SNX27: variants seen among roughly 807,000 people sequenced by gnomAD.
SNX27 encodes the protein sorting nexin-27.
Under a neutral mutation model 71.6 loss-of-function variants are expected in SNX27, and 22 were observed. That is an observed-to-expected ratio of 0.31 (90% CI 0.22 to 0.44). The LOEUF is 0.44. Among genes scored for constraint, SNX27 ranks in the 20% least tolerant of loss-of-function variants. SNX27 has a pLI of 1.00. For missense variants in SNX27, 531 were observed against 698.6 expected (o/e 0.76, Z 2.70); for synonymous variants, 269 against 277.2 (o/e 0.97, Z 0.29).
At chr1:151,635,034 C>T (rs187562671) in intron 1 of SNX27, among the ~76,000 whole-genome samples, 22 of 152,234 alleles carry the variant, frequency 1.4e-4, no homozygotes, top group Admixed American at 9.2e-4. Context: ...ACCCCATTGT[C>T]ATTGGTTGAG....
chr1:151,614,794 T>G (rs868361609), intron 1 of SNX27, among the ~76,000 whole-genome samples: 1 of 152,248 alleles, frequency 6.6e-6, no homozygotes, highest in South Asian at 2.1e-4. Context: ...AAATTTATGA[T>G]GAAGTTCTAC....
chr1:151,628,192 T>C (rs1014094409), intron 1 of SNX27, among the ~76,000 whole-genome samples: 1 of 151,854 alleles, frequency 6.6e-6, no homozygotes, highest in African/African-American at 2.4e-5. Flanking sequence ...TTTTTAGTAG[T>C]GATGGGGTTT....
intron 1 of SNX27, among the ~76,000 whole-genome samples, chr1:151,636,201 C>T (rs1260843078): frequency 5.3e-5 from 8 of 152,016 alleles, no homozygotes; most frequent in Admixed American, 3.3e-4. Flanking sequence ...ATCAGGGAAC[C>T]GAAAAGTAAG....
At chr1:151,676,421 T>G (rs1379282749) in intron 7 of SNX27, 1 of 150,976 alleles carries the variant, frequency 6.6e-6, no homozygotes, top group African/African-American at 2.4e-5. Context: ...GCCTCCCACC[T>G]CAGCCTCCTG....
In SNX27 at chr1:151,692,950, T is replaced by C; in HGVS notation, c.1429T>C (p.Trp477Arg). 6.2e-7 allele frequency: 1 copy of C among 1,614,206 alleles called. No individual in the cohort carries two copies. The highest frequency in any genetic ancestry group is 8.5e-7 in the Non-Finnish European group (1 of 1,180,022). ...ATTTGAATGGGATGAGATGCAGCGA[T>C]GGGACACAGATGAAGAAGGGATGGC... is the stretch of plus-strand genomic sequence containing the variant. ...IAFEWDEMQR[W>R]DTDEEGMAFC... Residue 477 changes from tryptophan (W) to arginine (R), a missense_variant, in exon 10 of 12, where the codon TGG becomes CGG. Coordinates refer to ENST00000458013, the MANE Select transcript of SNX27 (RefSeq NM_001330723.2).
chr1:151,613,599 GCC>G (rs1448824869), intron 1 of SNX27, among the ~76,000 whole-genome samples: 2 of 151,744 alleles, frequency 1.3e-5, no homozygotes, highest in Non-Finnish European at 1.5e-5. Flanking sequence ...TGCTGCTGCA[GCC>G]CACCCTCTCT....
intron 8 of SNX27, among the ~76,000 whole-genome samples, chr1:151,691,441 A>C (rs1222276606): frequency 6.7e-6 from 1 of 149,664 alleles, no homozygotes; most frequent in Non-Finnish European, 1.5e-5. Flanking sequence ...TCTGGTTTTC[A>C]TCTGTGTATC....
intron 3 of SNX27, among the ~76,000 whole-genome samples, chr1:151,658,671 G>A (rs1669812219): frequency 6.6e-6 from 1 of 152,124 alleles, no homozygotes; most frequent in African/African-American, 2.4e-5. Context: ...AGTTTTTGAT[G>A]CATTTGGTGA....
chr1:151,654,658 G>A (rs2102669568), intron 2 of SNX27, among the ~76,000 whole-genome samples: 1 of 152,250 alleles, frequency 6.6e-6, no homozygotes, highest in Non-Finnish European at 1.5e-5. Context: ...TTGGCTTACA[G>A]TTCTAGAGCC....
chr1:151,667,386 G>C (rs1781412), intron 6 of SNX27, among the ~76,000 whole-genome samples: 151,086 of 152,268 alleles, frequency 0.99, 74,964 homozygotes, highest in Middle Eastern at 1. Flanking sequence ...TCAGAAGACA[G>C]TTTTCAGTTT....
At chr1:151,689,850 CT>C (rs34443261) in intron 8 of SNX27, among the ~76,000 whole-genome samples, 47,218 of 147,954 alleles carry the variant, frequency 0.32, 7,558 homozygotes, top group Middle Eastern at 0.44. Flanking sequence ...TCTATATATA[CT>C]TTTTTTTTTT....
intron 8 of SNX27, among the ~76,000 whole-genome samples, chr1:151,684,179 GTAGTGCTCTTGGT>G (rs1175989965): frequency 1.3e-5 from 2 of 151,978 alleles, no homozygotes; most frequent in African/African-American, 2.4e-5. Context: ...TTTATGCTCC[GTAGTGCTCTTGGT>G]TAGTATATCA....
intron 5 of SNX27, among the ~76,000 whole-genome samples, chr1:151,663,435 C>G (rs1354189609): frequency 6.6e-6 from 1 of 152,148 alleles, no homozygotes; most frequent in Non-Finnish European, 1.5e-5. Flanking sequence ...CAGGCATGAG[C>G]CACCACCCCG....
chr1:151,623,755 T>A (rs1255002783), intron 1 of SNX27, among the ~76,000 whole-genome samples: 2 of 152,120 alleles, frequency 1.3e-5, no homozygotes, highest in African/African-American at 4.8e-5. Flanking sequence ...CCCATTGTCA[T>A]GTCTACTCTA....
chr1:151,619,494 T>G (rs1667574236), intron 1 of SNX27, among the ~76,000 whole-genome samples: 1 of 152,102 alleles, frequency 6.6e-6, no homozygotes, highest in African/African-American at 2.4e-5. Flanking sequence ...AGAGACAGGG[T>G]TTCACCATGT....
rs141418641 is a variant in SNX27, at chr1:151,613,649, C to T, written c.311+1137C>T. Among the ~76,000 whole-genome samples the T allele has an allele frequency of 2.0e-3, 297 of 152,226 alleles. 2 individuals are homozygous for T. The highest frequency in any genetic ancestry group is 6.7e-3 in the African/African-American group (278 of 41,528). ...TCCCTCCCCCTTCATACGCCTCCCC[C>T]ACCACATCCCTCCATGCTCTTGCGG... On this transcript the variant is annotated intron_variant, in intron 1 of 11. Coordinates refer to ENST00000458013, the MANE Select transcript of SNX27 (RefSeq NM_001330723.2).
chr1:151,664,677 A>G (rs1670112722), intron 5 of SNX27, among the ~76,000 whole-genome samples: 1 of 152,186 alleles, frequency 6.6e-6, no homozygotes, highest in Non-Finnish European at 1.5e-5. Context: ...TAAAAAACCT[A>G]TCCCCCATAC....
chr1:151,653,842 T>G lies in SNX27; in HGVS notation c.544-4393T>G, dbSNP rs945286971. 2.7e-5 allele frequency among the ~76,000 whole-genome samples: 4 copies of G among 149,656 alleles called. 1 individual carries two copies. Among genetic ancestry groups the G allele is most frequent in the East Asian group, 3.9e-4 (2 of 5,122 alleles). On this transcript the variant is annotated intron_variant, in intron 2 of 11. Coordinates refer to ENST00000458013, the MANE Select transcript of SNX27 (RefSeq NM_001330723.2). ...AGCCTGGAGAGTTTTTTTTGTTTTT[T>G]TTTTTTTTTGAGATGGAGTCTTGCT...
At chr1:151,687,903 G>C (rs1284611782) in intron 8 of SNX27, among the ~76,000 whole-genome samples, 1 of 148,528 alleles carries the variant, frequency 6.7e-6, no homozygotes, top group Non-Finnish European at 1.5e-5. Context: ...AGCCGCGATC[G>C]CGCCGCTCAC....
Sources: gnomAD v4.1 joint callset for allele counts (sites outside exome capture counted in the v4.1 genomes callset) on GRCh38, gnomAD v4.1.1 for gene constraint, MANE v1.5 for transcripts, NCBI Gene and HGNC (gene_info 2026-07-23, HGNC 2026-07-21) for gene names.